The following ECPAS variants were observed in gnomAD, a reference collection of about 807,000 sequenced individuals.
The protein encoded by ECPAS is proteasome adapter and scaffold protein ECM29.
ECPAS carries 70 observed loss-of-function variants against 255.1 expected under a neutral mutation model. The observed-to-expected ratio is 0.27, with a 90% CI of 0.23 to 0.33. The LOEUF is 0.33. ECPAS is among the 10% of genes least tolerant of loss of function. ECPAS has a pLI of 1.00. For synonymous variants in ECPAS, 784 were observed against 775.0 expected (o/e 1.01, Z -0.19); for missense variants, 1,817 against 2,206.4 (o/e 0.82, Z 3.54).
At chr9:111,388,738 T>C (rs955068698) in intron 31 of ECPAS, among the ~76,000 whole-genome samples, 1 of 152,142 alleles carries the variant, frequency 6.6e-6, no homozygotes, top group African/African-American at 2.4e-5. Context: ...ATTCAAGGAA[T>C]ACTTTGGAAG....
At position 111,371,844 on chromosome 9, in the gene ECPAS, T is replaced by C; in HGVS notation, c.4529-15A>G. 6.3e-7 allele frequency: 1 copy of C among 1,587,368 alleles called. No individual in the cohort carries two copies. Among genetic ancestry groups the C allele is most frequent in the East Asian group, 2.2e-5 (1 of 44,490 alleles). On this transcript the variant is annotated splice_polypyrimidine_tract_variant and intron_variant, in intron 42 of 49. Transcript: ENST00000684092. Reference sequence around the variant, plus strand: ...ACCAAAGGATCCTAGGAAAGCAAAATTAAAACAACTTTTAAGTGACAAGAA... The same window carrying C: ...ACCAAAGGATCCTAGGAAAGCAAAACTAAAACAACTTTTAAGTGACAAGAA...
chr9:111,469,172 A>G lies in ECPAS; in HGVS notation c.22+3725T>C, dbSNP rs572569439. Among the ~76,000 whole-genome samples, 10 of 151,436 alleles carry G rather than the reference A, an allele frequency of 6.6e-5. No individual in the cohort carries two copies. In the South Asian group the frequency reaches 2.1e-3, roughly 32 times the overall value. On this transcript the variant is annotated intron_variant, in intron 2 of 49. Transcript: ENST00000684092. The stretch of plus-strand genomic sequence containing the variant: ...GAAATCACTTGAACCCAGGAGGCAG[A>G]GGTTACAGTAAGCCAAAATTGTGCC...
intron 16 of ECPAS, 150 bp from the exon 17 acceptor site, chr9:111,418,156 A>G (rs1375707265): frequency 1.5e-6 from 1 of 680,598 alleles, no homozygotes; most frequent in South Asian, 2.6e-5. Flanking sequence ...GAGTCAACAT[A>G]ACACATTATA....
intron 9 of ECPAS, among the ~76,000 whole-genome samples, chr9:111,429,618 T>C (rs937812664): frequency 6.6e-6 from 1 of 152,238 alleles, no homozygotes. Context: ...TAGGTCCTGA[T>C]TCCCAATTCA....
chr9:111,473,847 G>T (rs1054598082), intron 1 of ECPAS, among the ~76,000 whole-genome samples: 1 of 152,082 alleles, frequency 6.6e-6, no homozygotes. Flanking sequence ...CCCGCCTGCA[G>T]TCCCAGCTAC....
chr9:111,444,342 G>C (rs1426967140), intron 4 of ECPAS, 36 bp downstream of exon 4: 24 of 1,417,656 alleles, frequency 1.7e-5, no homozygotes, highest in Non-Finnish European at 2.4e-5. Flanking sequence ...AAGAAAATTT[G>C]CTGTAAGTCA....
At chr9:111,430,956 C>A (rs918981028) in intron 8 of ECPAS, among the ~76,000 whole-genome samples, 1 of 152,178 alleles carries the variant, frequency 6.6e-6, no homozygotes, top group African/African-American at 2.4e-5. Flanking sequence ...GCAACTCCAA[C>A]AGAGCAGAGC....
At chr9:111,422,235 A>C in intron 13 of ECPAS, 35 bp from the exon 14 acceptor site, 5 of 1,588,316 alleles carry the variant, frequency 3.1e-6, no homozygotes, top group Non-Finnish European at 4.3e-6. Flanking sequence ...TTACTATCAT[A>C]AATTTCCAAG....
intron 48 of ECPAS, chr9:111,365,793 G>A: frequency 6.4e-6 from 1 of 156,788 alleles, no homozygotes; most frequent in Non-Finnish European, 1.4e-5. Context: ...CTGTACCGTG[G>A]CACACTAAAT....
At chr9:111,461,171 T>G (rs1044035041) in intron 2 of ECPAS, among the ~76,000 whole-genome samples, 2 of 151,830 alleles carry the variant, frequency 1.3e-5, no homozygotes. Context: ...CAAGGCTAAC[T>G]ACAGTAGGCT....
At chr9:111,466,211 G>A (rs538559882) in intron 2 of ECPAS, among the ~76,000 whole-genome samples, 5 of 152,208 alleles carry the variant, frequency 3.3e-5, no homozygotes, top group Non-Finnish European at 7.4e-5. Context: ...CATTTTGGGA[G>A]GCCGAGGTAA....
Position 111,451,144 on chromosome 9 carries a change from C to T in ECPAS, c.153+281G>A, listed in dbSNP as rs560121521. Among the ~76,000 whole-genome samples, 3 of 152,226 alleles carry T rather than the reference C, an allele frequency of 2.0e-5. No homozygotes were observed. The East Asian group carries it at 5.8e-4, about 29-fold the overall frequency. ...ATGCCTTTCATATTGGAATCAATGG[C>T]ATGGATTTCAGATCATGCCTCCATA... On this transcript the variant is annotated intron_variant, in intron 3 of 49. Transcript: ENST00000684092.
Position 111,433,360 on chromosome 9 carries a change from T to C in ECPAS, c.721A>G (p.Ile241Val), listed in dbSNP as rs375226838. 7.0e-5 allele frequency: 113 copies of C among 1,613,854 alleles called. No homozygotes were observed. In the South Asian group the frequency reaches 1.0e-3, roughly 14 times the overall value. ...TGTTCAGCTTCTATGAATTTCACGATTCCCAATTTGCACTGTAGATAAATG... is the reference window on the plus strand; with the variant it reads ...TGTTCAGCTTCTATGAATTTCACGACTCCCAATTTGCACTGTAGATAAATG... Reference protein sequence around the residue: ...PEQLEQCKLGIVKFIEAEQVP... With the variant: ...PEQLEQCKLGVVKFIEAEQVP... The change falls in exon 8 of 50, where the codon ATC becomes GTC. Residue 241 changes from isoleucine to valine, a missense_variant. Physicochemically the swap from Ile to Val is conservative, Grantham distance 29 (BLOSUM62 3). Around this residue, in one of 4 missense-constraint regions of ECPAS, gnomAD observed 573 missense variants for 716.2 expected, o/e 0.80. Transcript: ENST00000684092.
chr9:111,376,616 C>G, intron 36 of ECPAS, 75 bp from the exon 37 acceptor site: 1 of 1,071,136 alleles, frequency 9.3e-7, no homozygotes. Context: ...CCATAAAAGA[C>G]TTTCACTTCC....
intron 1 of ECPAS, among the ~76,000 whole-genome samples, chr9:111,479,462 G>A (rs1032415583): frequency 9.2e-5 from 14 of 151,446 alleles, no homozygotes; most frequent in African/African-American, 1.2e-4. Context: ...GCATGGTGGC[G>A]CACACCTGTA....
chr9:111,407,428 A>AAAAAAAAAAACAAAAAAAAG (rs2098186510), intron 24 of ECPAS, among the ~76,000 whole-genome samples: 1 of 98,726 alleles, frequency 1.0e-5, no homozygotes, highest in Non-Finnish European at 2.6e-5. Flanking sequence ...AAAAAAAAAA[A>AAAAAAAAAAACAAAAAAAAG]AAAAAAAAAA....
At chr9:111,459,906 G>A (rs779163444) in intron 2 of ECPAS, among the ~76,000 whole-genome samples, 3 of 152,170 alleles carry the variant, frequency 2.0e-5, no homozygotes, top group Non-Finnish European at 4.4e-5. Flanking sequence ...AAAAGGTGGG[G>A]TAAAGGGATG....
At chr9:111,425,577 G>C (rs576528669) in intron 11 of ECPAS, 81 bp from the exon 12 acceptor site, 39 of 1,123,446 alleles carry the variant, frequency 3.5e-5, no homozygotes, top group South Asian at 1.6e-4. Flanking sequence ...ATAAAATAAT[G>C]AGAGACATAA....
intron 5 of ECPAS, among the ~76,000 whole-genome samples, chr9:111,441,832 C>G (rs1374136660): frequency 6.6e-6 from 1 of 152,222 alleles, no homozygotes; most frequent in Non-Finnish European, 1.5e-5. Context: ...ATGATTCTCA[C>G]TATGACAGAG....
Sources: gnomAD v4.1 joint callset for allele counts (sites outside exome capture counted in the v4.1 genomes callset) on GRCh38, gnomAD v4.1.1 for gene constraint, gnomAD v4.1.1 regional missense constraint, MANE v1.5 for transcripts, NCBI Gene and HGNC (gene_info 2026-07-23, HGNC 2026-07-21) for gene names.